Variants in ARHGAP22 observed in about 807,000 individuals in gnomAD.
The protein encoded by ARHGAP22 is rho GTPase-activating protein 22.
A neutral mutation model predicts 59.1 loss-of-function variants in ARHGAP22; 48 were observed. The ratio of observed to expected loss-of-function variants is 0.81; its 90% CI spans 0.64 to 1.03. The LOEUF (loss-of-function observed/expected upper bound fraction) is 1.03. Among genes scored for constraint, ARHGAP22 ranks in the 50% least tolerant of loss-of-function variants. ARHGAP22 has a pLI of 0.00. For synonymous variants in ARHGAP22, 445 were observed against 416.4 expected (o/e 1.07, Z -0.84); for missense variants, 1,015 against 958.7 (o/e 1.06, Z -0.78).
chr10:48,615,829 T>C (rs555021738), intron 1 of ARHGAP22, among the ~76,000 whole-genome samples: 1 of 151,624 alleles, frequency 6.6e-6, no homozygotes, highest in Non-Finnish European at 1.5e-5. Flanking sequence ...AATTTAAGAG[T>C]TGGGAAAGTA....
At chr10:48,576,257 C>T (rs115652483) in intron 2 of ARHGAP22, among the ~76,000 whole-genome samples, 180 of 152,298 alleles carry the variant, frequency 1.2e-3, no homozygotes, top group African/African-American at 3.9e-3. Context: ...CTCCAATATG[C>T]CAGGGCCTCT....
the ARHGAP22 span, among the ~76,000 whole-genome samples, chr10:48,434,111 T>C: frequency 6.6e-6 from 1 of 152,222 alleles, no homozygotes; most frequent in African/African-American, 2.4e-5. Context: ...CAGGTATTCC[T>C]GTTAACTTTT....
chr10:48,573,586 A>C (rs1232580933), intron 2 of ARHGAP22, among the ~76,000 whole-genome samples: 1 of 152,246 alleles, frequency 6.6e-6, no homozygotes, highest in African/African-American at 2.4e-5. Flanking sequence ...CTAGATCTGC[A>C]ACTTCCTTTT....
At chr10:48,591,284 G>A (rs775889765) in intron 1 of ARHGAP22, among the ~76,000 whole-genome samples, 40 of 152,218 alleles carry the variant, frequency 2.6e-4, no homozygotes, top group Non-Finnish European at 5.1e-4. Context: ...TGGAATTCAA[G>A]TACCCAAAGG....
At chr10:48,455,857 G>A (rs893075340) in intron 5 of ARHGAP22, among the ~76,000 whole-genome samples, 6 of 152,240 alleles carry the variant, frequency 3.9e-5, no homozygotes, top group Non-Finnish European at 7.3e-5. Flanking sequence ...CAGGTCGGAG[G>A]TCAGGCCCTT....
chr10:48,627,247 T>G (rs940030236), intron 1 of ARHGAP22, among the ~76,000 whole-genome samples: 2 of 152,138 alleles, frequency 1.3e-5, no homozygotes, highest in African/African-American at 4.8e-5. Flanking sequence ...TTCTAGTGAA[T>G]TATCAAACCT....
chr10:48,447,014 C>T (rs1179539580), intron 9 of ARHGAP22, among the ~76,000 whole-genome samples: 3 of 152,190 alleles, frequency 2.0e-5, no homozygotes, highest in Admixed American at 1.3e-4. Flanking sequence ...GCCTCCCCTC[C>T]CACAGCTCCC....
At chr10:48,500,894 A>T (rs1335893638) in intron 3 of ARHGAP22, among the ~76,000 whole-genome samples, 1 of 129,122 alleles carries the variant, frequency 7.7e-6, no homozygotes, top group Non-Finnish European at 1.5e-5. Context: ...CCGCCTCAAA[A>T]AAAAAAAAAA....
chr10:48,524,130 C>T, intron 3 of ARHGAP22: 2 of 1,306,230 alleles, frequency 1.5e-6, no homozygotes, highest in East Asian at 3.2e-5. Context: ...CCCCGCCGCT[C>T]GGCTCCTCTC....
chr10:48,441,442 AC>A (rs2045199676), downstream of ARHGAP22, among the ~76,000 whole-genome samples: 1 of 149,094 alleles, frequency 6.7e-6, no homozygotes, highest in Non-Finnish European at 1.5e-5. Context: ...AAAGGGAGAA[AC>A]CAAAGGCATT....
chr10:48,516,529 A>AAAATAAATAAAT (rs59502469), intron 3 of ARHGAP22, among the ~76,000 whole-genome samples: 6 of 150,494 alleles, frequency 4.0e-5, no homozygotes, highest in African/African-American at 7.3e-5. Flanking sequence ...CCCTGTCTCA[A>AAAATAAATAAAT]AAATAAATAA....
intron 3 of ARHGAP22, among the ~76,000 whole-genome samples, chr10:48,521,910 A>C (rs984343994): frequency 1.3e-5 from 2 of 152,238 alleles, no homozygotes; most frequent in African/African-American, 4.8e-5. Flanking sequence ...GTTTGCTGTG[A>C]AAAATCTTCC....
rs1030717360 is a variant in ARHGAP22, at chr10:48,446,630, A to C, written c.1869-11T>G. On this transcript the variant is annotated splice_polypyrimidine_tract_variant and intron_variant, in intron 9 of 9. Transcript: ENST00000249601. ...CTCCCTTCTTCGATTCTGAAAAGTC[A>C]AGGAGAGATGCTGTTTGAGACTCTG... 6.2e-7 allele frequency: 1 copy of C among 1,611,968 alleles called. No homozygotes were observed. Among genetic ancestry groups the C allele is most frequent in the African/African-American group, 1.3e-5 (1 of 74,820 alleles).
chr10:48,594,757 C>A (rs1589055582), intron 1 of ARHGAP22, among the ~76,000 whole-genome samples: 1 of 152,256 alleles, frequency 6.6e-6, no homozygotes, highest in African/African-American at 2.4e-5. Flanking sequence ...CTCTAACCAA[C>A]CTTATTTCTA....
intron 3 of ARHGAP22, among the ~76,000 whole-genome samples, chr10:48,522,787 G>C (rs1251301887): frequency 6.6e-6 from 1 of 152,172 alleles, no homozygotes; most frequent in East Asian, 1.9e-4. Context: ...TGAGGAAACT[G>C]TTGCTCTGGG....
intron 1 of ARHGAP22, among the ~76,000 whole-genome samples, chr10:48,597,050 A>G (rs888161298): frequency 3.2e-4 from 48 of 152,112 alleles, no homozygotes; most frequent in African/African-American, 1.2e-3. Flanking sequence ...ATTACTTCCT[A>G]AGGTATGAAG....
chr10:48,632,111 C>T (rs967037585), intron 1 of ARHGAP22, among the ~76,000 whole-genome samples: 2 of 152,184 alleles, frequency 1.3e-5, no homozygotes. Context: ...TCTTTGGTCC[C>T]TCAACCTCCT....
At chr10:48,441,100 G>C (rs1019606010), downstream of ARHGAP22, among the ~76,000 whole-genome samples, 3 of 152,210 alleles carry the variant, frequency 2.0e-5, no homozygotes, top group Non-Finnish European at 4.4e-5. Context: ...CGCTCCAGGA[G>C]TGGGAGGAAG....
At chr10:48,654,213 C>G (rs973032532), upstream of ARHGAP22, among the ~76,000 whole-genome samples, 2 of 152,140 alleles carry the variant, frequency 1.3e-5, no homozygotes, top group African/African-American at 4.8e-5. Context: ...TTCCAGTTCT[C>G]CTGTTTGCTT....
Sources: allele counts gnomAD v4.1 joint callset (sites outside exome capture counted in the v4.1 genomes callset), GRCh38; gene constraint gnomAD v4.1.1; transcripts MANE v1.5; gene names NCBI Gene and HGNC (gene_info 2026-07-23, HGNC 2026-07-21).